NAA50: variants seen among roughly 807,000 people sequenced by gnomAD.
NAA50 encodes N-alpha-acetyltransferase 50.
A neutral mutation model predicts 20.7 loss-of-function variants in NAA50; 7 were observed. That is an observed-to-expected ratio of 0.34 (90% CI 0.19 to 0.63). The LOEUF (loss-of-function observed/expected upper bound fraction) is 0.63. NAA50 is among the 30% of genes least tolerant of loss of function. The pLI is 0.75. For synonymous variants in NAA50, 54 were observed against 70.6 expected, an observed-to-expected ratio of 0.77 and a Z score of 1.18; for missense variants, 111 against 199.1, an observed-to-expected ratio of 0.56 and a Z score of 2.66.
intron 1 of NAA50, among the ~76,000 whole-genome samples, chr3:113,735,140 G>GT (rs1331319324): frequency 6.6e-6 from 1 of 152,166 alleles, no homozygotes; most frequent in Non-Finnish European, 1.5e-5. Flanking sequence ...AGAAAAGAAT[G>GT]TAAGAAACAC....
At chr3:113,735,519 G>A (rs895778081) in intron 1 of NAA50, among the ~76,000 whole-genome samples, 9 of 152,298 alleles carry the variant, frequency 5.9e-5, no homozygotes, top group Admixed American at 5.9e-4. Context: ...GATCACAACG[G>A]ATCATGAATT....
At chr3:113,726,272 A>G (rs1342389437) in intron 1 of NAA50, among the ~76,000 whole-genome samples, 10 of 152,198 alleles carry the variant, frequency 6.6e-5, no homozygotes, top group Admixed American at 6.5e-4. Flanking sequence ...AAATAAAAAA[A>G]TAGACATTTT....
At chr3:113,734,231 T>C (rs1282496858) in intron 1 of NAA50, among the ~76,000 whole-genome samples, 4 of 152,176 alleles carry the variant, frequency 2.6e-5, no homozygotes, top group Admixed American at 1.3e-4. Context: ...TTCTCACTTA[T>C]ATGTGGGAGC....
At chr3:113,740,166 A>C (rs999280229) in intron 1 of NAA50, among the ~76,000 whole-genome samples, 1 of 152,210 alleles carries the variant, frequency 6.6e-6, no homozygotes, top group African/African-American at 2.4e-5. Flanking sequence ...TTCAACATGT[A>C]GTCAAAATAA....
chr3:113,726,023 G>A (rs1228359155), intron 1 of NAA50, among the ~76,000 whole-genome samples: 1 of 152,148 alleles, frequency 6.6e-6, no homozygotes, highest in Non-Finnish European at 1.5e-5. Flanking sequence ...ATACTTAGCA[G>A]TTTTGAAAGG....
intron 1 of NAA50, among the ~76,000 whole-genome samples, chr3:113,743,125 G>A (rs969768126): frequency 1.3e-5 from 2 of 152,086 alleles, no homozygotes; most frequent in Non-Finnish European, 2.9e-5. Flanking sequence ...ATCTTCTATG[G>A]AGGAAAGACA....
chr3:113,744,924 G>C (rs1708468713), intron 1 of NAA50, among the ~76,000 whole-genome samples: 1 of 152,132 alleles, frequency 6.6e-6, no homozygotes, highest in African/African-American at 2.4e-5. Flanking sequence ...AAGTGCTATT[G>C]AATAGTTGGA....
At chr3:113,734,774 CCAGA>C (rs938511839) in intron 1 of NAA50, among the ~76,000 whole-genome samples, 4 of 152,162 alleles carry the variant, frequency 2.6e-5, no homozygotes, top group Non-Finnish European at 4.4e-5. Flanking sequence ...TCAGCAGTGT[CCAGA>C]CAGTCTGTTA....
intron 1 of NAA50, among the ~76,000 whole-genome samples, chr3:113,745,367 T>C (rs1367283154): frequency 2.0e-5 from 3 of 152,182 alleles, no homozygotes; most frequent in Admixed American, 6.5e-5. Context: ...AAGTCTACAG[T>C]GATCGCGCTC....
chr3:113,731,299 A>T (rs781484744), intron 1 of NAA50, among the ~76,000 whole-genome samples: 1 of 151,892 alleles, frequency 6.6e-6, no homozygotes, highest in Non-Finnish European at 1.5e-5. Flanking sequence ...TGTTTTTGGG[A>T]AAGTTTTACA....
rs1474625556 is a variant in NAA50, at chr3:113,720,445, T to C, written c.*1315A>G. 1 of 152,626 alleles carries C rather than the reference T, an allele frequency of 6.6e-6. No homozygotes were observed. Among genetic ancestry groups the C allele is most frequent in the Non-Finnish European group, 1.5e-5 (1 of 68,018 alleles). The allele number at this position is 152,626 out of a possible 1,614,324, so 9.5% of individuals were successfully genotyped here. The stretch of plus-strand genomic sequence containing the variant: ...TCAGATGTCTCCCATCTTACAAAGT[T>C]ATCAATCTGTCAAAGCCACTCCGTG... On this transcript the variant is annotated 3_prime_UTR_variant, in exon 5 of 5. Transcript: ENST00000240922.
At chr3:113,728,102 A>G (rs957952900) in intron 1 of NAA50, among the ~76,000 whole-genome samples, 2 of 151,442 alleles carry the variant, frequency 1.3e-5, no homozygotes, top group Non-Finnish European at 2.9e-5. Flanking sequence ...AGGCATAAGC[A>G]TAAGGGATAT....
At chr3:113,726,232 C>T (rs1708198079) in intron 1 of NAA50, among the ~76,000 whole-genome samples, 1 of 152,032 alleles carries the variant, frequency 6.6e-6, no homozygotes, top group Non-Finnish European at 1.5e-5. Context: ...TAAAAAACCC[C>T]TCAGCACCAT....
intron 1 of NAA50, among the ~76,000 whole-genome samples, chr3:113,742,988 A>C (rs1420410569): frequency 1.3e-5 from 2 of 152,178 alleles, no homozygotes; most frequent in African/African-American, 4.8e-5. Context: ...ATCACCCACA[A>C]ATTCAAACTA....
At chr3:113,723,066 C>A in intron 3 of NAA50, 94 bp from the exon 4 acceptor site, 1 of 1,391,056 alleles carries the variant, frequency 7.2e-7, no homozygotes, top group Non-Finnish European at 9.5e-7. Context: ...TTATTGAGTC[C>A]TAAAAGAATT....
At chr3:113,745,889 G>GC in intron 1 of NAA50, 53 bp downstream of exon 1, 1 of 1,593,924 alleles carries the variant, frequency 6.3e-7, no homozygotes, top group African/African-American at 1.4e-5. Flanking sequence ...CTCTACATGG[G>GC]CCCGGACCCT....
intron 1 of NAA50, among the ~76,000 whole-genome samples, chr3:113,729,530 G>A (rs561036960): frequency 2.8e-5 from 4 of 145,384 alleles, no homozygotes; most frequent in African/African-American, 5.1e-5. Flanking sequence ...TCATTAATAC[G>A]CAGTTTTCTT....
intron 2 of NAA50, 199 bp from the exon 3 acceptor site, chr3:113,723,740 C>G: frequency 1.3e-6 from 1 of 760,270 alleles, no homozygotes; most frequent in East Asian, 2.8e-5. Flanking sequence ...TGAAAACACA[C>G]AGGTATACAC....
intron 1 of NAA50, among the ~76,000 whole-genome samples, chr3:113,725,101 A>G (rs1055747862): frequency 1.3e-5 from 2 of 152,252 alleles, no homozygotes; most frequent in African/African-American, 4.8e-5. Flanking sequence ...CATGGAAAAG[A>G]TTAAAGCGAA....
Sources: allele counts gnomAD v4.1 joint callset (sites outside exome capture counted in the v4.1 genomes callset), GRCh38; gene constraint gnomAD v4.1.1; transcripts MANE v1.5; gene names NCBI Gene and HGNC (gene_info 2026-07-23, HGNC 2026-07-21).